ARHGAP24: variants seen among roughly 807,000 people sequenced by gnomAD.
ARHGAP24 encodes the protein Rho GTPase activating protein 24.
In ARHGAP24, 50 loss-of-function variants were observed where a neutral mutation model predicts 76.4. That is an observed-to-expected ratio of 0.65 (90% CI 0.52 to 0.83). The LOEUF (loss-of-function observed/expected upper bound fraction) is 0.83, where lower values mean the gene tolerates loss of function less well. Ranked by LOEUF, ARHGAP24 falls within the 40% of genes least tolerant of loss-of-function variation. The probability of loss-of-function intolerance (pLI) is 0.00; values close to 1 mark genes in which losing one functional copy is unlikely to be tolerated. For missense variants in ARHGAP24, 930 were observed against 914.2 expected (o/e 1.02, Z -0.22); for synonymous variants, 345 against 323.3 (o/e 1.07, Z -0.72).
chr4:85,666,449 G>A (rs1475859884), intron 2 of ARHGAP24, among the ~76,000 whole-genome samples: 1 of 152,048 alleles, frequency 6.6e-6, no homozygotes, highest in East Asian at 1.9e-4. Context: ...ATTTCCTCCT[G>A]TAGCTCAGAG....
chr4:85,888,984 C>G (rs796548300), intron 3 of ARHGAP24, among the ~76,000 whole-genome samples: 34 of 152,212 alleles, frequency 2.2e-4, no homozygotes, highest in African/African-American at 7.9e-4. Flanking sequence ...CATAGTTTTC[C>G]ATAGGGTATA....
At chr4:85,633,410 G>A (rs1358290496) in intron 2 of ARHGAP24, among the ~76,000 whole-genome samples, 1 of 151,696 alleles carries the variant, frequency 6.6e-6, no homozygotes, top group Non-Finnish European at 1.5e-5. Flanking sequence ...GTATTTATGT[G>A]GTATCTTCCA....
intron 2 of ARHGAP24, among the ~76,000 whole-genome samples, chr4:85,668,080 G>C (rs1005453904): frequency 6.6e-6 from 1 of 152,192 alleles, no homozygotes; most frequent in Non-Finnish European, 1.5e-5. Context: ...ATTATCTCTT[G>C]TGATCCCCTT....
At chr4:85,796,811 C>G (rs1020339526) in intron 3 of ARHGAP24, among the ~76,000 whole-genome samples, 1 of 151,738 alleles carries the variant, frequency 6.6e-6, no homozygotes, top group African/African-American at 2.4e-5. Flanking sequence ...CTCACTAGAC[C>G]TCACGGTGGT....
chr4:85,686,255 T>C (rs1445660150), intron 2 of ARHGAP24, among the ~76,000 whole-genome samples: 1 of 152,054 alleles, frequency 6.6e-6, no homozygotes, highest in Non-Finnish European at 1.5e-5. Flanking sequence ...ATATTTAATA[T>C]GTCACATGAT....
intron 6 of ARHGAP24, among the ~76,000 whole-genome samples, chr4:85,973,850 T>TGC (rs1739151083): frequency 7.6e-6 from 1 of 131,292 alleles, no homozygotes; most frequent in Non-Finnish European, 1.6e-5. Flanking sequence ...TTTTTTTTTT[T>TGC]TTTTTTTTTT....
chr4:85,921,091 A>C (rs530642081), intron 3 of ARHGAP24, among the ~76,000 whole-genome samples: 1 of 152,342 alleles, frequency 6.6e-6, no homozygotes, highest in Non-Finnish European at 1.5e-5. Flanking sequence ...TGTGCATTTC[A>C]ACATTATTCA....
intron 5 of ARHGAP24, among the ~76,000 whole-genome samples, chr4:85,950,104 A>G (rs1737522062): frequency 6.6e-6 from 1 of 152,172 alleles, no homozygotes; most frequent in Admixed American, 6.5e-5. Context: ...CACCTATGAT[A>G]TGGTGGAGGT....
intron 3 of ARHGAP24, among the ~76,000 whole-genome samples, chr4:85,724,877 G>A (rs1425749118): frequency 2.6e-5 from 4 of 152,036 alleles, no homozygotes; most frequent in East Asian, 3.9e-4. Context: ...AGCCAAATTG[G>A]CAAATTTGAA....
chr4:85,666,738 G>T (rs1722635083), intron 2 of ARHGAP24, among the ~76,000 whole-genome samples: 1 of 152,308 alleles, frequency 6.6e-6, no homozygotes, highest in Middle Eastern at 3.4e-3. Context: ...CTGCAGGTCT[G>T]TTGGAGTTTG....
At chr4:85,833,022 T>C (rs1445594781) in intron 3 of ARHGAP24, among the ~76,000 whole-genome samples, 2 of 152,346 alleles carry the variant, frequency 1.3e-5, no homozygotes, top group Middle Eastern at 3.4e-3. Flanking sequence ...AAGGTATATA[T>C]GTCAATCACT....
At chr4:85,654,422 A>G (rs2109984477) in intron 2 of ARHGAP24, among the ~76,000 whole-genome samples, 1 of 152,284 alleles carries the variant, frequency 6.6e-6, no homozygotes, top group South Asian at 2.1e-4. Flanking sequence ...TTGGGGGCAA[A>G]CTTTAGTTCA....
intron 4 of ARHGAP24, among the ~76,000 whole-genome samples, chr4:85,932,192 C>T (rs1481987006): frequency 6.6e-6 from 1 of 152,082 alleles, no homozygotes; most frequent in Non-Finnish European, 1.5e-5. Flanking sequence ...ATGCATGTCT[C>T]ATATTTTTAT....
At chr4:85,487,787 T>A (rs868375202) in intron 1 of ARHGAP24, among the ~76,000 whole-genome samples, 1 of 110,906 alleles carries the variant, frequency 9.0e-6, no homozygotes, top group Non-Finnish European at 1.7e-5. Context: ...TATTATATAT[T>A]ATATAAATAT....
intron 5 of ARHGAP24, among the ~76,000 whole-genome samples, chr4:85,957,422 C>T (rs1365392339): frequency 1.3e-5 from 2 of 152,156 alleles, no homozygotes; most frequent in Non-Finnish European, 2.9e-5. Flanking sequence ...AAGATGCTGA[C>T]CCTAAGGCCC....
intron 2 of ARHGAP24, among the ~76,000 whole-genome samples, chr4:85,610,488 C>T (rs1051289814): frequency 2.2e-5 from 3 of 134,204 alleles, no homozygotes; most frequent in African/African-American, 8.5e-5. Flanking sequence ...AAAAAGAAAG[C>T]ACCCTTATTG....
chr4:85,830,443 G>C (rs1020589082), intron 3 of ARHGAP24, among the ~76,000 whole-genome samples: 9 of 152,150 alleles, frequency 5.9e-5, no homozygotes, highest in Non-Finnish European at 7.3e-5. Context: ...CCGTTGCTAG[G>C]CTTGGGAACC....
intron 2 of ARHGAP24, among the ~76,000 whole-genome samples, chr4:85,630,308 C>A (rs1482221078): frequency 6.6e-6 from 1 of 152,114 alleles, no homozygotes; most frequent in Non-Finnish European, 1.5e-5. Flanking sequence ...TTCTTTAAGA[C>A]TACTTTTTGA....
At chr4:86,000,440 T>TGGGGGGGGGG in intron 9 of ARHGAP24, 39 bp from the exon 10 acceptor site, 1 of 861,202 alleles carries the variant, frequency 1.2e-6, no homozygotes, top group African/African-American at 1.6e-5. Context: ...CTCTTACTCT[T>TGGGGGGGGGG]GCGTCCCCAC....
Sources: allele counts gnomAD v4.1 joint callset (sites outside exome capture counted in the v4.1 genomes callset), GRCh38; gene constraint gnomAD v4.1.1; transcripts MANE v1.5; gene names NCBI Gene and HGNC (gene_info 2026-07-23, HGNC 2026-07-21).